Variants in HK2 observed in about 807,000 individuals in gnomAD.
HK2 encodes hexokinase-2.
Under a neutral mutation model 92.9 loss-of-function variants are expected in HK2, and 42 were observed. The ratio of observed to expected loss-of-function variants is 0.45; its 90% confidence interval spans 0.35 to 0.58. The LOEUF is 0.58. Ranked by LOEUF, HK2 falls within the 20% of genes least tolerant of loss-of-function variation. The pLI, the probability that HK2 is intolerant of heterozygous loss-of-function variation, is 0.00. For missense variants in HK2, 978 were observed against 1,245.1 expected (o/e 0.79, Z 3.23); for synonymous variants, 422 against 468.0 (o/e 0.90, Z 1.27).
chr2:74,854,658 C>G (rs1688653764), intron 2 of HK2, among the ~76,000 whole-genome samples: 1 of 152,196 alleles, frequency 6.6e-6, no homozygotes, highest in Non-Finnish European at 1.5e-5. Context: ...AGGGAGGGCA[C>G]CTTTGTCAGC....
chr2:74,879,044 C>A, intron 9 of HK2, 123 bp downstream of exon 9: 1 of 850,908 alleles, frequency 1.2e-6, no homozygotes, highest in Non-Finnish European at 2.0e-6. Context: ...AGCTGAGGGT[C>A]TTGGTGGAAT....
At position 74,891,991 on chromosome 2, in the gene HK2, C is replaced by T. The variant is rs1429053505; in HGVS notation, c.*1050C>T. On this transcript the variant is annotated 3_prime_UTR_variant, in exon 18 of 18. Transcript: ENST00000290573. ...AATGGCAAAGCGGTTGCTTCTGGCT[C>T]CTCCTTCCCCTGTGGTCTTGGAAGT... is the stretch of plus-strand genomic sequence containing the variant. 6.6e-6 allele frequency: 1 copy of T among 152,604 alleles called. No homozygotes were observed. Among genetic ancestry groups the T allele is most frequent in the Non-Finnish European group, 1.5e-5 (1 of 68,056 alleles). 9.5% of individuals were successfully genotyped at this position (152,604 alleles called of 1,614,324 possible).
chr2:74,840,998 G>C (rs1688303152), intron 1 of HK2, among the ~76,000 whole-genome samples: 1 of 150,096 alleles, frequency 6.7e-6, no homozygotes, highest in Non-Finnish European at 1.5e-5. Context: ...ATGCTTCCTT[G>C]TGCTGGAGTG....
chr2:74,851,787 G>A (rs1688575971), intron 1 of HK2, among the ~76,000 whole-genome samples: 1 of 152,144 alleles, frequency 6.6e-6, no homozygotes, highest in Non-Finnish European at 1.5e-5. Flanking sequence ...CATGTCTGCT[G>A]CCCCAGACCT....
chr2:74,839,951 CTTT>C (rs773321768), intron 1 of HK2, among the ~76,000 whole-genome samples: 4 of 97,044 alleles, frequency 4.1e-5, no homozygotes, highest in East Asian at 2.9e-4. Flanking sequence ...TGCGCCTGGC[CTTT>C]TTTTTTTTTT....
At chr2:74,878,626 G>GAC in intron 8 of HK2, 62 bp from the exon 9 acceptor site, 2 of 1,351,618 alleles carry the variant, frequency 1.5e-6, no homozygotes, top group Non-Finnish European at 2.1e-6. Context: ...GCCACCCCCC[G>GAC]ACACACACAC....
At chr2:74,881,897 G>T in intron 11 of HK2, 38 bp downstream of exon 11, 2 of 1,609,148 alleles carry the variant, frequency 1.2e-6, no homozygotes, top group Non-Finnish European at 1.7e-6. Flanking sequence ...GGCCCCTGGT[G>T]GACGTCACCT....
intron 2 of HK2, 45 bp downstream of exon 2, chr2:74,854,500 G>T (rs991053474): frequency 3.1e-6 from 5 of 1,610,342 alleles, no homozygotes; most frequent in Non-Finnish European, 1.7e-6. Context: ...TTACTCAGGG[G>T]TGATTTAGTT....
At chr2:74,881,615 G>A (rs1689393666) in intron 10 of HK2, 96 bp from the exon 11 acceptor site, 1 of 1,254,540 alleles carries the variant, frequency 8.0e-7, no homozygotes. Context: ...GCATTTGATG[G>A]AACAGGAATG....
intron 1 of HK2, among the ~76,000 whole-genome samples, chr2:74,851,722 G>A (rs1024083502): frequency 5.9e-5 from 9 of 152,174 alleles, no homozygotes; most frequent in African/African-American, 2.2e-4. Flanking sequence ...CTTTGGGAAA[G>A]TAGTGAGGTG....
chr2:74,882,605 T>TTTATATATATATATATATA (rs1553449959), intron 12 of HK2, among the ~76,000 whole-genome samples: 1 of 75,660 alleles, frequency 1.3e-5, no homozygotes, highest in Non-Finnish European at 3.1e-5. Flanking sequence ...TCTATTGAAC[T>TTTATATATATATATATATA]TATATATATA....
rs1361614751 is a variant in HK2 at position 74,834,955 on chromosome 2, G to A, written c.63+312G>A. ...ACTGGAGGGGCGGGTCACCCCGCAG[G>A]TAGTCAGGGATTGCTGCGCCCACGT... On this transcript the variant is annotated intron_variant, in intron 1 of 17. Coordinates refer to ENST00000290573, the MANE Select transcript of HK2 (RefSeq NM_000189.5). The surrounding 1 kb of genome is among the most constrained non-coding windows in gnomAD (Gnocchi z 4.2). 2.0e-5 allele frequency among the ~76,000 whole-genome samples: 3 copies of A among 152,204 alleles called. No individual in the cohort carries two copies. Among genetic ancestry groups the A allele is most frequent in the Non-Finnish European group, 4.4e-5 (3 of 68,026 alleles).
chr2:74,845,639 G>C (rs1688417759), intron 1 of HK2, among the ~76,000 whole-genome samples: 1 of 152,244 alleles, frequency 6.6e-6, no homozygotes. Flanking sequence ...CCGCTGCCTC[G>C]GGTTTGTGAG....
chr2:74,852,688 TAAA>T (rs886620139), intron 1 of HK2, among the ~76,000 whole-genome samples: 4 of 145,604 alleles, frequency 2.7e-5, no homozygotes, highest in African/African-American at 5.1e-5. Context: ...ATTAAAAGAT[TAAA>T]AAAAAAAAAC....
intron 5 of HK2, among the ~76,000 whole-genome samples, 155 bp downstream of exon 5, chr2:74,873,526 T>C (rs1485632751): frequency 6.6e-6 from 1 of 152,212 alleles, no homozygotes; most frequent in Non-Finnish European, 1.5e-5. Context: ...TTGTATGCGA[T>C]CTGCTGCTTT....
At chr2:74,883,558 A>G (rs1689451246) in intron 12 of HK2, among the ~76,000 whole-genome samples, 1 of 152,224 alleles carries the variant, frequency 6.6e-6, no homozygotes, top group Non-Finnish European at 1.5e-5. Flanking sequence ...GGTCCCTGCA[A>G]CAGTGGCCCT....
rs756723035 is a variant in HK2 at position 74,882,175 on chromosome 2, A to G, written c.1775A>G (p.Lys592Arg). 5 of 1,614,046 alleles carry G rather than the reference A, an allele frequency of 3.1e-6. No homozygotes were observed. In the African/African-American group the frequency reaches 6.7e-5, roughly 22 times the overall value. The change falls in exon 12 of 18, where the codon AAG (lysine) becomes AGG (arginine). Residue 592 changes from lysine to arginine, a missense_variant. Coordinates refer to ENST00000290573, the MANE Select transcript of HK2 (RefSeq NM_000189.5). ...IADFLEYMGM[K>R]GVSLPLGFTF... The stretch of plus-strand genomic sequence containing the variant: ...GACTTCCTCGAGTACATGGGCATGA[A>G]GGGCGTGTCCCTGCCTCTGGGTTTT...
At chr2:74,854,579 G>A in intron 2 of HK2, 124 bp downstream of exon 2, 2 of 988,170 alleles carry the variant, frequency 2.0e-6, no homozygotes, top group Non-Finnish European at 3.1e-6. Flanking sequence ...AAGCATCCAG[G>A]GAATTGAATG....
chr2:74,887,009 CCCT>C (rs1299719846), intron 15 of HK2, among the ~76,000 whole-genome samples: 1 of 152,198 alleles, frequency 6.6e-6, no homozygotes, highest in Non-Finnish European at 1.5e-5. Context: ...CAAATCCTCT[CCCT>C]CCTCCATCTT....
Sources: allele counts gnomAD v4.1 joint callset (sites outside exome capture counted in the v4.1 genomes callset), GRCh38; gene constraint gnomAD v4.1.1; non-coding constraint Gnocchi (gnomAD v3.1); transcripts MANE v1.5; gene names NCBI Gene and HGNC (gene_info 2026-07-23, HGNC 2026-07-21).